Variants in NEO1 observed in about 807,000 individuals in gnomAD.
The protein encoded by NEO1 is neogenin.
NEO1 carries 63 observed loss-of-function variants against 159.7 expected under a neutral mutation model. That is an observed-to-expected ratio of 0.39 (90% confidence interval 0.32 to 0.49). The LOEUF (loss-of-function observed/expected upper bound fraction) is 0.49. Among genes scored for constraint, NEO1 ranks in the 20% least tolerant of loss-of-function variants. The pLI, the probability that NEO1 is intolerant of heterozygous loss-of-function variation, is 0.85. For synonymous variants in NEO1, 633 were observed against 662.0 expected, an observed-to-expected ratio of 0.96 and a Z score of 0.67; for missense variants, 1,615 against 1,831.0, an observed-to-expected ratio of 0.88 and a Z score of 2.15.
At chr15:73,220,063 G>A (rs1432324702) in intron 7 of NEO1, among the ~76,000 whole-genome samples, 8 of 151,996 alleles carry the variant, frequency 5.3e-5, no homozygotes, top group Non-Finnish European at 8.8e-5. Flanking sequence ...AGCTGGTACC[G>A]GTTGTTCCTT....
intron 7 of NEO1, among the ~76,000 whole-genome samples, chr15:73,210,701 C>G (rs906264332): frequency 5.3e-5 from 8 of 152,110 alleles, no homozygotes; most frequent in African/African-American, 1.7e-4. Flanking sequence ...ACATTCTGGT[C>G]TTTTTGGTTA....
chr15:73,196,548 G>C (rs2036542674), intron 7 of NEO1, among the ~76,000 whole-genome samples: 1 of 152,186 alleles, frequency 6.6e-6, no homozygotes, highest in Non-Finnish European at 1.5e-5. Context: ...AAAACATGTA[G>C]CCTTGGCTAT....
chr15:73,265,703 G>A (rs939398725), intron 15 of NEO1, among the ~76,000 whole-genome samples: 2 of 152,164 alleles, frequency 1.3e-5, no homozygotes, highest in Admixed American at 1.3e-4. Context: ...GGAAGACCAG[G>A]TGCCTCTATT....
rs2073938945 is a variant in NEO1 at position 73,258,670 on chromosome 15, G to A, written c.2093-96G>A. ...GAAACTTTGCCAAGCTATATACTGA[G>A]TTGGTGACTGAGATGTTTGCCTTAA... On this transcript the variant is annotated intron_variant, in intron 13 of 28. Transcript: ENST00000261908. 4.1e-6 allele frequency: 4 copies of A among 985,204 alleles called. No individual in the cohort carries two copies. In the South Asian group the frequency reaches 5.7e-5, roughly 14 times the overall value. The allele number at this position is 985,204 out of a possible 1,614,324, so 61.0% of individuals were successfully genotyped here.
chr15:73,207,280 A>G (rs1209833062), intron 7 of NEO1, among the ~76,000 whole-genome samples: 1 of 152,242 alleles, frequency 6.6e-6, no homozygotes, highest in Non-Finnish European at 1.5e-5. Context: ...ATTTGTATAT[A>G]TGTTTAAGAA....
intron 1 of NEO1, among the ~76,000 whole-genome samples, chr15:73,086,466 G>A (rs1171612456): frequency 6.6e-6 from 1 of 151,616 alleles, no homozygotes; most frequent in African/African-American, 2.4e-5. Context: ...TTTTGGTTGA[G>A]ATTATGACTG....
chr15:73,260,387 G>A lies in NEO1; in HGVS notation c.2320G>A (p.Gly774Ser), dbSNP rs1241885383. 1 of 1,614,026 alleles carries A rather than the reference G, an allele frequency of 6.2e-7. No homozygotes were observed. Among genetic ancestry groups the A allele is most frequent in the South Asian group, 1.1e-5 (1 of 91,078 alleles). The change falls in exon 15 of 29, where the codon GGT (glycine) becomes AGT (serine). Residue 774 changes from glycine (G) to serine (S), a missense_variant. Around this residue, in one of 3 missense-constraint regions of NEO1, gnomAD observed 1,018 missense variants for 1,115.4 expected, o/e 0.91. Coordinates refer to ENST00000261908, the MANE Select transcript of NEO1 (RefSeq NM_002499.4). ...QNIVVRGYAI[G>S]YGIGSPHAQT... ...CATTGTGGTCAGAGGTTACGCCATT[G>A]GTTATGGCATTGGCAGCCCTCATGC... is the stretch of plus-strand genomic sequence containing the variant.
At chr15:73,137,228 A>T (rs952575974) in intron 5 of NEO1, among the ~76,000 whole-genome samples, 2 of 152,200 alleles carry the variant, frequency 1.3e-5, no homozygotes, top group Admixed American at 6.5e-5. Context: ...AATGTATGCT[A>T]TCTCATAGAT....
chr15:73,203,536 A>T (rs184226897), intron 7 of NEO1, among the ~76,000 whole-genome samples: 4 of 152,120 alleles, frequency 2.6e-5, no homozygotes, highest in South Asian at 4.1e-4. Flanking sequence ...TGCATTGGTT[A>T]TTGGTTTCTT....
In NEO1 at chr15:73,217,472, C is replaced by T. The variant is rs1320849954; in HGVS notation, c.1292-18875C>T. ...TTTTTTCCAATTCTGTGAAGAAAGTCATTGGTAGCTTGATGGGGATGGCAT... is the reference window on the plus strand; with the variant it reads ...TTTTTTCCAATTCTGTGAAGAAAGTTATTGGTAGCTTGATGGGGATGGCAT... On this transcript the variant is annotated intron_variant, in intron 7 of 28. Coordinates refer to ENST00000261908, the MANE Select transcript of NEO1 (RefSeq NM_002499.4). Among the ~76,000 whole-genome samples, 322 of 151,914 alleles carry T rather than the reference C, an allele frequency of 2.1e-3. 4 individuals are homozygous for T. The highest frequency in any genetic ancestry group is 7.4e-3 in the African/African-American group (305 of 41,428).
intron 1 of NEO1, among the ~76,000 whole-genome samples, chr15:73,072,510 C>G (rs1386146500): frequency 6.6e-6 from 1 of 152,128 alleles, no homozygotes; most frequent in African/African-American, 2.4e-5. Context: ...GTACATGTTG[C>G]ATGCTCTATG....
In NEO1 at chr15:73,302,851, G is replaced by C. The variant is rs964715948; in HGVS notation, c.*155G>C. The C allele has an allele frequency of 3.1e-6, 2 of 638,316 alleles. No homozygotes were observed. The highest frequency in any genetic ancestry group is 5.4e-6 in the Non-Finnish European group (2 of 370,250). 39.5% of individuals were successfully genotyped at this position (638,316 alleles called of 1,614,324 possible). A position where few individuals can be genotyped will look rare whatever the true frequency, so the allele number is the denominator to read the frequency against. On this transcript the variant is annotated 3_prime_UTR_variant, in exon 29 of 29. Coordinates refer to ENST00000261908, the MANE Select transcript of NEO1 (RefSeq NM_002499.4). ...GCGCCTCTGTGTAGGGCTGGCTCCA[G>C]GCATGGCCACCTGCCTTCCCCTGGT...
At chr15:73,268,774 T>C (rs943498511) in intron 16 of NEO1, among the ~76,000 whole-genome samples, 1 of 152,184 alleles carries the variant, frequency 6.6e-6, no homozygotes, top group Admixed American at 6.5e-5. Context: ...CCTGGGCCCA[T>C]GGTGCATGGT....
At position 73,095,229 on chromosome 15, in the gene NEO1, C is replaced by T. The variant is rs868513289; in HGVS notation, c.131-21311C>T. ...TCTTAAAAAAAAAAAAAAAACTTAA[C>T]AGCTAATGGTCAGTTGTCTCTGGCT... On this transcript the variant is annotated intron_variant, in intron 1 of 28. Coordinates refer to ENST00000261908, the MANE Select transcript of NEO1 (RefSeq NM_002499.4). Among the ~76,000 whole-genome samples, 9 of 150,512 alleles carry T rather than the reference C, an allele frequency of 6.0e-5. No individual in the cohort carries two copies. The Middle Eastern group carries it at 0.014, about 232-fold the overall frequency.
Position 73,148,593 on chromosome 15 carries a change from A to G in NEO1, c.1015+12566A>G, listed in dbSNP as rs530984588. On this transcript the variant is annotated intron_variant, in intron 5 of 28. Transcript: ENST00000261908. ...TGGCACTTTCATATAAACCCAGTTT[A>G]CACACAGGAATGGGGTCTTACCCCA... Among the ~76,000 whole-genome samples, 14 of 152,362 alleles carry G rather than the reference A, an allele frequency of 9.2e-5. No homozygotes were observed. The East Asian group carries it at 2.7e-3, about 29-fold the overall frequency.
chr15:73,299,669 G>A (rs906093028), intron 27 of NEO1, among the ~76,000 whole-genome samples: 1 of 152,250 alleles, frequency 6.6e-6, no homozygotes, highest in African/African-American at 2.4e-5. Context: ...ATAGGCGTGA[G>A]CCACTGCGCC....
intron 3 of NEO1, among the ~76,000 whole-genome samples, chr15:73,124,699 C>G (rs1264534473): frequency 6.6e-6 from 1 of 152,132 alleles, no homozygotes; most frequent in Non-Finnish European, 1.5e-5. Flanking sequence ...AAACAACAAT[C>G]TTTGATTTCC....
intron 16 of NEO1, among the ~76,000 whole-genome samples, chr15:73,267,115 A>G (rs1008252683): frequency 6.6e-6 from 1 of 152,132 alleles, no homozygotes; most frequent in Non-Finnish European, 1.5e-5. Flanking sequence ...AAAATTAGCC[A>G]GGCGTGGTGC....
At chr15:73,232,794 C>T (rs549237032) in intron 7 of NEO1, among the ~76,000 whole-genome samples, 55 of 152,290 alleles carry the variant, frequency 3.6e-4, no homozygotes, top group African/African-American at 1.3e-3. Context: ...AGGATTGCTC[C>T]TCTAATTGAC....
Sources: gnomAD v4.1 joint callset for allele counts (sites outside exome capture counted in the v4.1 genomes callset) on GRCh38, gnomAD v4.1.1 for gene constraint, gnomAD v4.1.1 regional missense constraint, MANE v1.5 for transcripts, NCBI Gene and HGNC (gene_info 2026-07-23, HGNC 2026-07-21) for gene names.